The following CCDC141 variants were observed in gnomAD, a reference collection of about 807,000 sequenced individuals.
CCDC141 encodes the protein coiled-coil domain-containing protein 141.
In CCDC141, 168 loss-of-function variants were observed where a neutral mutation model predicts 181.0. The observed-to-expected ratio is 0.93, with a 90% CI of 0.82 to 1.05. The LOEUF is 1.05. Among genes scored for constraint, CCDC141 ranks in the 50% least tolerant of loss-of-function variants. The pLI is 0.00. For missense variants in CCDC141, 1,902 were observed against 1,788.5 expected (o/e 1.06, Z -1.14); for synonymous variants, 666 against 642.3 (o/e 1.04, Z -0.56).
chr2:178,873,205 T>C (rs1157860876), intron 12 of CCDC141: 1 of 152,164 alleles, frequency 6.6e-6, no homozygotes, highest in East Asian at 1.9e-4. Context: ...ATTTTAAAGA[T>C]AGGCCATTTT....
At chr2:178,868,680 A>C (rs1575149827) in intron 15 of CCDC141, among the ~76,000 whole-genome samples, 1 of 109,472 alleles carries the variant, frequency 9.1e-6, no homozygotes, top group Non-Finnish European at 1.8e-5. Flanking sequence ...GGGGCGGGGG[A>C]GAGGGGGTGG....
chr2:178,836,930 A>G lies in CCDC141; in HGVS notation c.4289T>C (p.Val1430Ala), dbSNP rs778537067. The change falls in exon 23 of 24, where the codon GTT becomes GCT. Residue 1430 changes from valine (V) to alanine (A), a missense_variant. By Grantham distance (64) the Val-to-Ala change is moderately conservative. Coordinates refer to ENST00000443758, the MANE Select transcript of CCDC141 (RefSeq NM_173648.4). ...VMEGSPVTLE[V>A]EVTGFPEPTL... is the part of the protein sequence containing the mutation. Reference sequence around the variant, plus strand: ...AGGCTCTGGAAATCCTGTTACTTCAACTTCCAAAGTCACTGGAGAACCTTC... The same window carrying G: ...AGGCTCTGGAAATCCTGTTACTTCAGCTTCCAAAGTCACTGGAGAACCTTC... 3.1e-6 allele frequency: 5 copies of G among 1,613,108 alleles called. No homozygotes were observed. The South Asian group carries it at 5.5e-5, about 18-fold the overall frequency.
intron 2 of CCDC141, among the ~76,000 whole-genome samples, chr2:179,039,189 G>C (rs1283140187): frequency 6.6e-6 from 1 of 151,488 alleles, no homozygotes; most frequent in Non-Finnish European, 1.5e-5. Context: ...TTTTTTCTTT[G>C]GACACTCCAC....
At chr2:178,884,308 G>A (rs1403587421) in intron 11 of CCDC141, among the ~76,000 whole-genome samples, 1 of 151,332 alleles carries the variant, frequency 6.6e-6, no homozygotes, top group African/African-American at 2.4e-5. Flanking sequence ...TTAAGCTTGG[G>A]AACTGGATCA....
chr2:178,939,293 T>C (rs1363867301), intron 6 of CCDC141, among the ~76,000 whole-genome samples: 1 of 152,162 alleles, frequency 6.6e-6, no homozygotes, highest in Non-Finnish European at 1.5e-5. Flanking sequence ...ACAAATTATA[T>C]AGCTGGTTCT....
intron 21 of CCDC141, among the ~76,000 whole-genome samples, chr2:178,847,055 G>C (rs1048979400): frequency 5.3e-5 from 8 of 152,182 alleles, no homozygotes; most frequent in African/African-American, 1.7e-4. Context: ...GGAAGCGTTT[G>C]TTGCGGCTGT....
chr2:179,009,187 C>T (rs936953334), intron 2 of CCDC141, among the ~76,000 whole-genome samples: 1 of 152,154 alleles, frequency 6.6e-6, no homozygotes, highest in Admixed American at 6.5e-5. Flanking sequence ...CTTGATTTCC[C>T]CCTATACCCT....
At chr2:178,835,554 T>A (rs1684442835) in intron 23 of CCDC141, among the ~76,000 whole-genome samples, 1 of 152,230 alleles carries the variant, frequency 6.6e-6, no homozygotes, top group Non-Finnish European at 1.5e-5. Flanking sequence ...TTTTCTTGGG[T>A]ATCCTAAGAA....
In CCDC141 at chr2:178,830,434, A is replaced by G. The variant is rs1036463447; in HGVS notation, c.*3739T>C. 1 of 152,222 alleles carries G rather than the reference A, an allele frequency of 6.6e-6. No homozygotes were observed. The highest frequency in any genetic ancestry group is 2.1e-4 in the South Asian group (1 of 4,832). 9.4% of individuals were successfully genotyped at this position (152,222 alleles called of 1,614,324 possible). On this transcript the variant is annotated 3_prime_UTR_variant, in exon 24 of 24. Coordinates refer to ENST00000443758, the MANE Select transcript of CCDC141 (RefSeq NM_173648.4). ...GCCTGATTCGGATTGACTCCTGTCT[A>G]TAAGAAGGGAGAATCATCTTTGTCT...
chr2:178,905,204 T>C lies in CCDC141; in HGVS notation c.1265+125A>G, dbSNP rs527995253. The C allele has an allele frequency of 9.0e-4, 771 of 860,548 alleles. 1 individual carries two copies. The highest frequency in any genetic ancestry group is 1.9e-3 in the Admixed American group (65 of 34,212). 53.3% of individuals were successfully genotyped at this position (860,548 alleles called of 1,614,324 possible). A position where few individuals can be genotyped will look rare whatever the true frequency, so the allele number is the denominator to read the frequency against. On this transcript the variant is annotated intron_variant, in intron 8 of 23. Transcript: ENST00000443758. ...TTGATCAAACTTCAATAGATCCTTT[T>C]AAGCCATATCATAATGCAGCAAAAC...
intron 6 of CCDC141, among the ~76,000 whole-genome samples, chr2:178,922,553 G>C (rs971521869): frequency 6.6e-6 from 1 of 152,182 alleles, no homozygotes; most frequent in Non-Finnish European, 1.5e-5. Flanking sequence ...GGGATTCTCA[G>C]ATTTGAAATC....
At chr2:178,817,289 A>C in the CCDC141 span, among the ~76,000 whole-genome samples, 1 of 152,150 alleles carries the variant, frequency 6.6e-6, no homozygotes, top group African/African-American at 2.4e-5. Flanking sequence ...TTATTTCTTT[A>C]AGAGAAAAGG....
At chr2:178,940,610 T>C (rs1013346527) in intron 6 of CCDC141, among the ~76,000 whole-genome samples, 4 of 151,994 alleles carry the variant, frequency 2.6e-5, no homozygotes, top group Non-Finnish European at 5.9e-5. Flanking sequence ...AGATATTGGG[T>C]GGATAGATAG....
intron 6 of CCDC141, among the ~76,000 whole-genome samples, chr2:178,939,333 G>A (rs1575241677): frequency 1.3e-5 from 2 of 152,258 alleles, no homozygotes; most frequent in South Asian, 4.2e-4. Context: ...AGGTTTTATA[G>A]ATCACAGAAC....
Position 178,833,626 on chromosome 2 carries a change from T to C in CCDC141, c.*547A>G, listed in dbSNP as rs1278238899. 1 of 153,420 alleles carries C rather than the reference T, an allele frequency of 6.5e-6. No homozygotes were observed. Among genetic ancestry groups the C allele is most frequent in the Admixed American group, 6.4e-5 (1 of 15,520 alleles). The allele number at this position is 153,420 out of a possible 1,614,324, so 9.5% of individuals were successfully genotyped here. ...CAACATGAGGAATGATTATTTACAA[T>C]GACATCATCAGACTCAGGAACGTAG... On this transcript the variant is annotated 3_prime_UTR_variant, in exon 24 of 24. Coordinates refer to ENST00000443758, the MANE Select transcript of CCDC141 (RefSeq NM_173648.4).
At chr2:178,855,574 A>G (rs778810841) in intron 18 of CCDC141, 33 bp from the exon 19 acceptor site, 3 of 1,458,220 alleles carry the variant, frequency 2.1e-6, no homozygotes, top group Non-Finnish European at 1.9e-6. Flanking sequence ...TTTAAACAAC[A>G]TTCAATTTGT....
chr2:178,984,679 A>G (rs1467886657), intron 2 of CCDC141, among the ~76,000 whole-genome samples: 1 of 150,244 alleles, frequency 6.7e-6, no homozygotes, highest in Non-Finnish European at 1.5e-5. Context: ...GTCTCTGATA[A>G]AACAGACTTT....
chr2:178,870,231 C>CAAAAAAAAAAAAAAAAAAAAAAAAAAAAA (rs34625707), intron 14 of CCDC141, among the ~76,000 whole-genome samples: 16 of 60,286 alleles, frequency 2.7e-4, no homozygotes, highest in East Asian at 4.5e-4. Flanking sequence ...GACTCTGTCT[C>CAAAAAAAAAAAAAAAAAAAAAAAAAAAAA]AAAAAAAAAA....
At chr2:178,954,708 T>C (rs928016189) in intron 5 of CCDC141, among the ~76,000 whole-genome samples, 1 of 152,166 alleles carries the variant, frequency 6.6e-6, no homozygotes, top group Non-Finnish European at 1.5e-5. Flanking sequence ...ATTTTCTACT[T>C]AATTTCCCTT....
Sources: gnomAD v4.1 joint callset for allele counts (sites outside exome capture counted in the v4.1 genomes callset) on GRCh38, gnomAD v4.1.1 for gene constraint, MANE v1.5 for transcripts, NCBI Gene and HGNC (gene_info 2026-07-23, HGNC 2026-07-21) for gene names.